ITGA11: variants seen among roughly 807,000 people sequenced by gnomAD.
ITGA11 encodes the protein integrin subunit alpha 11, also known as integrin alpha-11.
Under a neutral mutation model 141.9 loss-of-function variants are expected in ITGA11, and 97 were observed. The observed-to-expected ratio is 0.68, with a 90% CI of 0.58 to 0.81. The LOEUF is 0.81. Among genes scored for constraint, ITGA11 ranks in the 30% least tolerant of loss-of-function variants. ITGA11 has a pLI of 0.00. For synonymous variants in ITGA11, 658 were observed against 624.6 expected, an observed-to-expected ratio of 1.05 and a Z score of -0.80; for missense variants, 1,387 against 1,559.2, an observed-to-expected ratio of 0.89 and a Z score of 1.86.
chr15:68,414,299 A>G (rs775543132), intron 1 of ITGA11, among the ~76,000 whole-genome samples: 5 of 152,174 alleles, frequency 3.3e-5, no homozygotes, highest in Non-Finnish European at 7.4e-5. Context: ...GAGGTCTTCT[A>G]GGAATGGTCC....
At position 68,328,376 on chromosome 15, in the gene ITGA11, G is replaced by T; in HGVS notation, c.1902-114C>A. 2.2e-6 allele frequency: 2 copies of T among 918,462 alleles called. No homozygotes were observed. The allele number at this position is 918,462 out of a possible 1,614,324, so 56.9% of individuals were successfully genotyped here. ...GTGGGATCTGCAAAGCCACTGGAGG[G>T]GGTGAGGTGGAGGATGGAGGGGGCG... is the stretch of plus-strand genomic sequence containing the variant. On this transcript the variant is annotated intron_variant, in intron 15 of 29. Coordinates refer to ENST00000315757, the MANE Select transcript of ITGA11 (RefSeq NM_001004439.2). The surrounding 1 kb of genome is among the most constrained non-coding windows in gnomAD (Gnocchi z 4.8).
chr15:68,361,753 G>A (rs771462641), intron 4 of ITGA11, 49 bp from the exon 5 acceptor site: 3 of 1,330,600 alleles, frequency 2.3e-6, no homozygotes, highest in African/African-American at 1.5e-5. Flanking sequence ...CCTCAGAGAG[G>A]ATCGAGGTCC....
At chr15:68,366,095 C>T (rs1480064584) in intron 3 of ITGA11, among the ~76,000 whole-genome samples, 4 of 152,098 alleles carry the variant, frequency 2.6e-5, no homozygotes, top group African/African-American at 9.7e-5. Context: ...AAGCAAGGCT[C>T]CTTTTGAAAT....
intron 20 of ITGA11, among the ~76,000 whole-genome samples, chr15:68,317,908 C>T (rs1419219072): frequency 1.3e-5 from 2 of 152,168 alleles, no homozygotes; most frequent in Non-Finnish European, 2.9e-5. Context: ...CTGTGTGTGT[C>T]TGCGTGTCAG....
At position 68,400,838 on chromosome 15, in the gene ITGA11, T is replaced by TAA. The variant is rs1566938755; in HGVS notation, c.164+2079_164+2080insTT. ...AATATTATATATTATATAATAAATA[T>TAA]TATATTATATATTATATAATAAATA... On this transcript the variant is annotated intron_variant, in intron 2 of 29. Transcript: ENST00000315757. Among the ~76,000 whole-genome samples the TAA allele has an allele frequency of 8.8e-5, 6 of 68,244 alleles. 1 individual carries two copies. The highest frequency in any genetic ancestry group is 2.2e-4 in the African/African-American group (4 of 18,016). 44.8% of individuals were successfully genotyped at this position (68,244 alleles called of 152,430 possible).
chr15:68,331,166 G>C, intron 14 of ITGA11, 55 bp from the exon 15 acceptor site: 1 of 1,489,016 alleles, frequency 6.7e-7, no homozygotes, highest in Non-Finnish European at 9.1e-7. Flanking sequence ...TGTGGGGGCG[G>C]GCGTCCCCGA....
chr15:68,401,608 GCACC>G (rs1472574927), intron 2 of ITGA11, among the ~76,000 whole-genome samples: 1 of 152,148 alleles, frequency 6.6e-6, no homozygotes, highest in Non-Finnish European at 1.5e-5. Flanking sequence ...ATACAAATGA[GCACC>G]TATTGCATGA....
At chr15:68,380,218 A>G (rs1369088602) in intron 2 of ITGA11, among the ~76,000 whole-genome samples, 3 of 152,244 alleles carry the variant, frequency 2.0e-5, no homozygotes, top group South Asian at 2.1e-4. Flanking sequence ...TAACGCAGAA[A>G]AAGGAGATGG....
intron 2 of ITGA11, among the ~76,000 whole-genome samples, chr15:68,370,787 C>T (rs894099719): frequency 5.9e-5 from 9 of 152,214 alleles, no homozygotes; most frequent in Admixed American, 4.6e-4. Flanking sequence ...GCTCTTCCAG[C>T]AGCTTCCCAC....
At chr15:68,429,680 G>A (rs889008114) in intron 1 of ITGA11, among the ~76,000 whole-genome samples, 1 of 152,188 alleles carries the variant, frequency 6.6e-6, no homozygotes, top group Non-Finnish European at 1.5e-5. Context: ...CATCAGTCCT[G>A]TCCTGGAGCC....
chr15:68,370,513 T>G lies in ITGA11; in HGVS notation c.165-1229A>C, dbSNP rs529023857. Among the ~76,000 whole-genome samples the G allele has an allele frequency of 2.5e-4, 38 of 152,338 alleles. No individual in the cohort carries two copies. The Middle Eastern group carries it at 0.014, about 55-fold the overall frequency. ...CCCAGAGTGTCCCAGGATTCTGACC[T>G]GCCCACTGGGTCTGTGGCACGTGAC... On this transcript the variant is annotated intron_variant, in intron 2 of 29. Coordinates refer to ENST00000315757, the MANE Select transcript of ITGA11 (RefSeq NM_001004439.2).
rs146663204 is a variant in ITGA11, at chr15:68,311,007, C to T, written c.3161G>A (p.Arg1054His). ...RPTPVEEDLR[R>H]APQLNHSNSD... is the part of the protein sequence containing the mutation. The stretch of plus-strand genomic sequence containing the variant: ...GGGGACACTCACCAGCTGTGGAGCA[C>T]GACGCAAGTCTTCCTCCACTGGGGT... Residue 1054 changes from arginine to histidine, a missense_variant, in exon 26 of 30, where the codon CGT (arginine) becomes CAT (histidine). Transcript: ENST00000315757. 8.4e-4 allele frequency: 1,340 copies of T among 1,602,818 alleles called. 10 individuals are homozygous for T. The African/African-American group carries it at 0.016, about 20-fold the overall frequency.
At chr15:68,351,217 C>G (rs372670133) in intron 8 of ITGA11, 41 bp downstream of exon 8, 15 of 1,609,580 alleles carry the variant, frequency 9.3e-6, no homozygotes, top group Middle Eastern at 1.8e-4. Context: ...GGTAAAGCCT[C>G]TCAGAGGCCA....
At chr15:68,367,853 G>T (rs1895475018) in intron 3 of ITGA11, among the ~76,000 whole-genome samples, 1 of 152,220 alleles carries the variant, frequency 6.6e-6, no homozygotes, top group Non-Finnish European at 1.5e-5. Context: ...CAAAGAATTT[G>T]TACAGCTGGA....
At position 68,308,475 on chromosome 15, in the gene ITGA11, C is replaced by T. The variant is rs1019904149; in HGVS notation, c.3175-779G>A. Reference sequence around the variant, plus strand: ...AGGACTAGAGGGCTGGGCATGGTGGCTCACGCCTGTAATCTCAGCACTTTG... The same window carrying T: ...AGGACTAGAGGGCTGGGCATGGTGGTTCACGCCTGTAATCTCAGCACTTTG... On this transcript the variant is annotated intron_variant, in intron 26 of 29. Transcript: ENST00000315757. The surrounding 1 kb of genome is among the most constrained non-coding windows in gnomAD (Gnocchi z 5.2). Among the ~76,000 whole-genome samples the T allele has an allele frequency of 2.0e-5, 3 of 152,302 alleles. No homozygotes were observed. In the East Asian group the frequency reaches 5.8e-4, roughly 29 times the overall value.
In ITGA11 at chr15:68,367,634, C is replaced by T. The variant is rs150524782; in HGVS notation, c.265+1550G>A. 2.1e-3 allele frequency among the ~76,000 whole-genome samples: 317 copies of T among 152,306 alleles called. 1 individual carries two copies. The highest frequency in any genetic ancestry group is 3.8e-3 in the Non-Finnish European group (258 of 68,036). On this transcript the variant is annotated intron_variant, in intron 3 of 29. Transcript: ENST00000315757. The stretch of plus-strand genomic sequence containing the variant: ...TATCCTGCTTCTTAATTTGCCTACC[C>T]GATTACTGTCCCCTTCCTTGGCCTC...
Position 68,315,743 on chromosome 15 carries a change from C to T in ITGA11, c.2716-16G>A, listed in dbSNP as rs374545157. 6.3e-6 allele frequency: 10 copies of T among 1,599,344 alleles called. No individual in the cohort carries two copies. Among genetic ancestry groups the T allele is most frequent in the South Asian group, 2.3e-5 (2 of 88,636 alleles). On this transcript the variant is annotated splice_polypyrimidine_tract_variant and intron_variant, in intron 21 of 29. Transcript: ENST00000315757. Reference sequence around the variant, plus strand: ...GGAAAGCCACCTGCAAGGAAGCAGTCGCATGTCTGGGCATTGCTGGGACCA... The same window carrying T: ...GGAAAGCCACCTGCAAGGAAGCAGTTGCATGTCTGGGCATTGCTGGGACCA...
chr15:68,330,953 A>C, intron 15 of ITGA11, 28 bp downstream of exon 15: 1 of 1,613,440 alleles, frequency 6.2e-7, no homozygotes, highest in South Asian at 1.1e-5. Context: ...AGGAGAGCCC[A>C]GGAGGTGGGA....
intron 3 of ITGA11, chr15:68,365,071 C>T: frequency 2.2e-6 from 2 of 913,550 alleles, no homozygotes; most frequent in Non-Finnish European, 2.6e-6. Context: ...TCCTAGCCCA[C>T]AGCTTTTCCT....
Sources: gnomAD v4.1 joint callset for allele counts (sites outside exome capture counted in the v4.1 genomes callset) on GRCh38, gnomAD v4.1.1 for gene constraint, Gnocchi (gnomAD v3.1) non-coding constraint, MANE v1.5 for transcripts, NCBI Gene and HGNC (gene_info 2026-07-23, HGNC 2026-07-21) for gene names.